Variants in QTMAN observed in about 807,000 individuals in gnomAD.
QTMAN encodes the protein queuosine-tRNA mannosyltransferase.
chr2:144,182,822 A>T, the QTMAN span, among the ~76,000 whole-genome samples: 1 of 69,104 alleles, frequency 1.4e-5, no homozygotes, highest in African/African-American at 6.0e-5. Context: ...TATATATTAT[A>T]TATATAATAT....
At chr2:144,004,846 T>G in the QTMAN span, among the ~76,000 whole-genome samples, 1 of 152,178 alleles carries the variant, frequency 6.6e-6, no homozygotes, top group East Asian at 1.9e-4. Flanking sequence ...TTACACACTG[T>G]AATCCTTGAC....
chr2:144,132,348 G>A, the QTMAN span, among the ~76,000 whole-genome samples: 9 of 152,040 alleles, frequency 5.9e-5, no homozygotes, highest in Non-Finnish European at 1.2e-4. Context: ...CTCTGGCTAA[G>A]AGATTATTCT....
chr2:144,044,137 A>C, the QTMAN span, among the ~76,000 whole-genome samples: 1 of 152,324 alleles, frequency 6.6e-6, no homozygotes, highest in East Asian at 1.9e-4. Flanking sequence ...TCTAAAGTTG[A>C]AAATCTCTTC....
At chr2:144,070,989 G>A in the QTMAN span, among the ~76,000 whole-genome samples, 1 of 152,126 alleles carries the variant, frequency 6.6e-6, no homozygotes, top group African/African-American at 2.4e-5. Context: ...AGGTAGTCAT[G>A]ATGGGATGTC....
At chr2:143,998,366 ACAAATGATGCTAGGC>A in the QTMAN span, among the ~76,000 whole-genome samples, 1 of 152,042 alleles carries the variant, frequency 6.6e-6, no homozygotes, top group Non-Finnish European at 1.5e-5. Context: ...TGTTTAACCA[ACAAATGATGCTAGGC>A]CAAATAATGC....
At chr2:144,187,848 G>A in the QTMAN span, among the ~76,000 whole-genome samples, 2 of 152,112 alleles carry the variant, frequency 1.3e-5, no homozygotes, top group African/African-American at 4.8e-5. Flanking sequence ...TGTCTGTGCT[G>A]ATTTAATCAA....
the QTMAN span, among the ~76,000 whole-genome samples, chr2:144,326,307 G>T: frequency 3.9e-5 from 6 of 152,228 alleles, no homozygotes; most frequent in Middle Eastern, 3.4e-3. Flanking sequence ...CACAGACTCA[G>T]CCAGGAACGG....
chr2:144,000,451 A>G, the QTMAN span, among the ~76,000 whole-genome samples: 3 of 152,022 alleles, frequency 2.0e-5, no homozygotes, highest in Non-Finnish European at 2.9e-5. Flanking sequence ...TTATCACCAA[A>G]TTGAGAATGA....
At chr2:144,164,103 A>G in the QTMAN span, among the ~76,000 whole-genome samples, 1 of 151,878 alleles carries the variant, frequency 6.6e-6, no homozygotes. Context: ...TTGTATTTTT[A>G]TTAGAGATGG....
At chr2:144,288,596 G>A in the QTMAN span, among the ~76,000 whole-genome samples, 97 of 152,312 alleles carry the variant, frequency 6.4e-4, no homozygotes, top group African/African-American at 2.2e-3. Flanking sequence ...GCAAGTGAGA[G>A]CTGGTTAAAG....
chr2:144,139,564 G>A, the QTMAN span, among the ~76,000 whole-genome samples: 4 of 151,956 alleles, frequency 2.6e-5, no homozygotes, highest in Admixed American at 6.6e-5. Context: ...ACATGACTAC[G>A]GCGTCTAAGA....
At chr2:144,008,998 A>C in the QTMAN span, among the ~76,000 whole-genome samples, 1 of 152,046 alleles carries the variant, frequency 6.6e-6, no homozygotes. Context: ...GGACTTTTAA[A>C]AATGAGGCAC....
At chr2:144,120,664 T>C in the QTMAN span, among the ~76,000 whole-genome samples, 3 of 152,278 alleles carry the variant, frequency 2.0e-5, no homozygotes, top group South Asian at 6.2e-4. Context: ...AACCTTCAAC[T>C]ATAAAAAGGG....
At chr2:144,061,386 T>C in the QTMAN span, among the ~76,000 whole-genome samples, 40 of 152,236 alleles carry the variant, frequency 2.6e-4, no homozygotes, top group African/African-American at 9.6e-4. Context: ...TTGCATTTTC[T>C]TTGAATTGCT....
At chr2:144,261,870 G>A in the QTMAN span, among the ~76,000 whole-genome samples, 1 of 151,628 alleles carries the variant, frequency 6.6e-6, no homozygotes, top group Non-Finnish European at 1.5e-5. Flanking sequence ...TTTATTTTTT[G>A]CCCTATGATT....
chr2:143,957,489 C>G, the QTMAN span: 1 of 498,710 alleles, frequency 2.0e-6, no homozygotes, highest in South Asian at 5.2e-5. Flanking sequence ...AATCAAGGCA[C>G]AGAAGCAGAA....
chr2:143,993,746 G>A, the QTMAN span, among the ~76,000 whole-genome samples: 3 of 152,136 alleles, frequency 2.0e-5, no homozygotes, highest in African/African-American at 7.2e-5. Flanking sequence ...GTTGTTTTAG[G>A]CTGCCAAGTT....
At chr2:144,055,782 C>T in the QTMAN span, among the ~76,000 whole-genome samples, 2 of 152,182 alleles carry the variant, frequency 1.3e-5, no homozygotes, top group Non-Finnish European at 2.9e-5. Context: ...GTTTAGGCTC[C>T]CTCTAGATCC....
chr2:144,265,676 C>A, the QTMAN span, among the ~76,000 whole-genome samples: 1 of 152,128 alleles, frequency 6.6e-6, no homozygotes, highest in Non-Finnish European at 1.5e-5. Context: ...AGCCTGGCAA[C>A]AGGGCGAGAC....
Sources: allele counts gnomAD v4.1 joint callset (sites outside exome capture counted in the v4.1 genomes callset), GRCh38; gene constraint gnomAD v4.1.1; transcripts MANE v1.5; gene names NCBI Gene and HGNC (gene_info 2026-07-23, HGNC 2026-07-21).